Variants in KLHL1 observed in about 807,000 individuals in gnomAD.
The protein encoded by KLHL1 is kelch-like protein 1.
KLHL1 carries 47 observed loss-of-function variants against 77.7 expected under a neutral mutation model. That is an observed-to-expected ratio of 0.60 (90% CI 0.48 to 0.77). The LOEUF is 0.77. KLHL1 is among the 30% of genes least tolerant of loss of function. The pLI is 0.00. For missense variants in KLHL1, 925 were observed against 910.8 expected (o/e 1.02, Z -0.20); for synonymous variants, 360 against 325.2 (o/e 1.11, Z -1.15).
chr13:69,743,565 A>T (rs1018213519), intron 7 of KLHL1, among the ~76,000 whole-genome samples: 2 of 152,156 alleles, frequency 1.3e-5, no homozygotes, highest in African/African-American at 4.8e-5. Context: ...TGGGCAAATC[A>T]CTTGAGGCCA....
intron 5 of KLHL1, among the ~76,000 whole-genome samples, chr13:69,875,074 C>T (rs919955474): frequency 6.6e-6 from 1 of 151,928 alleles, no homozygotes; most frequent in Non-Finnish European, 1.5e-5. Context: ...GAGAGTAGAA[C>T]AAATTAGCAA....
At chr13:69,892,133 G>T (rs933330394) in intron 4 of KLHL1, among the ~76,000 whole-genome samples, 2 of 151,924 alleles carry the variant, frequency 1.3e-5, no homozygotes, top group Admixed American at 6.6e-5. Flanking sequence ...GCTGAACATC[G>T]GTATTTGCCA....
In KLHL1 at chr13:69,819,617, CA is replaced by C. The variant is rs34373404; in HGVS notation, c.1414+19358del. Among the ~76,000 whole-genome samples, 627 of 139,882 alleles carry C rather than the reference CA, an allele frequency of 4.5e-3. 4 individuals are homozygous for C. The highest frequency in any genetic ancestry group is 0.016 in the Admixed American group (218 of 13,812). The allele number at this position is 139,882 out of a possible 152,430, so 91.8% of individuals were successfully genotyped here. On this transcript the variant is annotated intron_variant, in intron 6 of 10. Transcript: ENST00000377844. ...GTAGTCATTCAACAAGGAGGTAATG[CA>C]AAAAAAAAAAAATGTAGAAATAAAA...
intron 7 of KLHL1, among the ~76,000 whole-genome samples, chr13:69,741,466 A>G (rs2137931029): frequency 6.6e-6 from 1 of 152,284 alleles, no homozygotes; most frequent in South Asian, 2.1e-4. Context: ...CATATTGATT[A>G]AGACATGACT....
At position 69,983,576 on chromosome 13, in the gene KLHL1, C is replaced by CAAAAAAAAA. The variant is rs1282357751; in HGVS notation, c.498-7783_498-7775dup. Among the ~76,000 whole-genome samples the CAAAAAAAAA allele has an allele frequency of 1.2e-3, 50 of 40,768 alleles. 2 individuals carry two copies. The highest frequency in any genetic ancestry group is 4.5e-3 in the African/African-American group (40 of 8,878). 26.7% of individuals were successfully genotyped at this position (40,768 alleles called of 152,430 possible). On this transcript the variant is annotated intron_variant, in intron 1 of 10. Transcript: ENST00000377844. ...GCAACAATGTGAGACCCTATCTTTA[C>CAAAAAAAAA]AAAAAAAAAAAAAAAGAAGAAGAAG...
intron 3 of KLHL1, among the ~76,000 whole-genome samples, chr13:69,960,108 T>C (rs985198978): frequency 1.4e-5 from 1 of 71,884 alleles, no homozygotes; most frequent in East Asian, 2.9e-4. Context: ...AGAGCATGTG[T>C]ACTTTTTTTT....
chr13:69,793,792 G>T (rs894621055), intron 7 of KLHL1, among the ~76,000 whole-genome samples: 1 of 152,092 alleles, frequency 6.6e-6, no homozygotes, highest in African/African-American at 2.4e-5. Flanking sequence ...TGAAGAGAGA[G>T]TAATCATATA....
chr13:69,903,549 G>T (rs1344754201), intron 4 of KLHL1, among the ~76,000 whole-genome samples: 3 of 150,638 alleles, frequency 2.0e-5, no homozygotes, highest in African/African-American at 7.3e-5. Flanking sequence ...TACCAGAGGG[G>T]CTGTGTCTCA....
intron 9 of KLHL1, among the ~76,000 whole-genome samples, chr13:69,714,496 A>G (rs1387541069): frequency 6.6e-6 from 1 of 152,204 alleles, no homozygotes; most frequent in Non-Finnish European, 1.5e-5. Context: ...CTAAAGAACA[A>G]TAGATTATTT....
At chr13:69,763,227 T>C (rs1252074496) in intron 7 of KLHL1, among the ~76,000 whole-genome samples, 1 of 152,214 alleles carries the variant, frequency 6.6e-6, no homozygotes, top group Non-Finnish European at 1.5e-5. Context: ...ACTGGCTGAA[T>C]AGAAAACAAT....
At position 70,054,464 on chromosome 13, in the gene KLHL1, G is replaced by A. The variant is rs139016010; in HGVS notation, c.497+52739C>T. Among the ~76,000 whole-genome samples the A allele has an allele frequency of 4.8e-3, 733 of 152,034 alleles. 1 individual carries two copies. The highest frequency in any genetic ancestry group is 7.7e-3 in the Non-Finnish European group (526 of 67,910). ...TTATAGTAGCCCAATGGATATATAC[G>A]TAACATTGATTTTATCCATTCTATT... On this transcript the variant is annotated intron_variant, in intron 1 of 10. Transcript: ENST00000377844.
intron 1 of KLHL1, among the ~76,000 whole-genome samples, chr13:70,095,716 G>T (rs1385865856): frequency 6.6e-6 from 1 of 151,946 alleles, no homozygotes; most frequent in East Asian, 1.9e-4. Context: ...GTTATTTTGA[G>T]AGGACAATAA....
chr13:70,064,141 T>C (rs890365524), intron 1 of KLHL1, among the ~76,000 whole-genome samples: 2 of 152,108 alleles, frequency 1.3e-5, no homozygotes, highest in East Asian at 1.9e-4. Context: ...TTAATCAGCA[T>C]AGAAACAGAA....
chr13:70,048,315 G>C (rs1435963515), intron 1 of KLHL1, among the ~76,000 whole-genome samples: 2 of 152,116 alleles, frequency 1.3e-5, no homozygotes, highest in African/African-American at 4.8e-5. Context: ...CTGTAATTCA[G>C]AACACAATTT....
chr13:69,902,865 C>A (rs1457093985), intron 4 of KLHL1, among the ~76,000 whole-genome samples: 1 of 152,008 alleles, frequency 6.6e-6, no homozygotes, highest in Non-Finnish European at 1.5e-5. Context: ...TGCAACTAAC[C>A]TGCACGTTGT....
intron 1 of KLHL1, among the ~76,000 whole-genome samples, chr13:70,078,484 A>C (rs1887315122): frequency 6.6e-6 from 1 of 152,046 alleles, no homozygotes; most frequent in South Asian, 2.1e-4. Context: ...AACACTCAAC[A>C]AAAAAATATG....
chr13:69,833,856 T>C lies in KLHL1; in HGVS notation c.1414+5120A>G, dbSNP rs551391454. Among the ~76,000 whole-genome samples the C allele has an allele frequency of 1.6e-3, 237 of 144,040 alleles. 2 individuals are homozygous for C. Among genetic ancestry groups the C allele is most frequent in the East Asian group, 2.4e-3 (12 of 5,036 alleles). 94.5% of individuals were successfully genotyped at this position (144,040 alleles called of 152,430 possible). A position where few individuals can be genotyped will look rare whatever the true frequency, so the allele number is the denominator to read the frequency against. On this transcript the variant is annotated intron_variant, in intron 6 of 10. Transcript: ENST00000377844. ...ACATATATATATACACACACATATA[T>C]ACACACACACACACACACACACATA...
At chr13:69,981,746 A>G (rs1884716464) in intron 1 of KLHL1, among the ~76,000 whole-genome samples, 1 of 151,944 alleles carries the variant, frequency 6.6e-6, no homozygotes, top group Non-Finnish European at 1.5e-5. Context: ...TAAACAACAT[A>G]TAGTCATTTT....
At position 69,793,252 on chromosome 13, in the gene KLHL1, T is replaced by C. The variant is rs1876948504; in HGVS notation, c.1639+3486A>G. 2.6e-5 allele frequency among the ~76,000 whole-genome samples: 4 copies of C among 152,108 alleles called. No homozygotes were observed. The South Asian group carries it at 8.3e-4, about 32-fold the overall frequency. On this transcript the variant is annotated intron_variant, in intron 7 of 10. Transcript: ENST00000377844. ...TTATGAAAAAAGATAATATATAGAA[T>C]TATATGCTTAAAGACTTAAGTGATA...
Sources: allele counts gnomAD v4.1 joint callset (sites outside exome capture counted in the v4.1 genomes callset), GRCh38; gene constraint gnomAD v4.1.1; transcripts MANE v1.5; gene names NCBI Gene and HGNC (gene_info 2026-07-23, HGNC 2026-07-21).